The following FANCI variants were observed in gnomAD, a reference collection of about 807,000 sequenced individuals.
FANCI encodes the protein Fanconi anemia group I protein.
In FANCI, 156 loss-of-function variants were observed where a neutral mutation model predicts 176.1. The ratio of observed to expected loss-of-function variants is 0.89; its 90% CI spans 0.78 to 1.01. The LOEUF (loss-of-function observed/expected upper bound fraction) is 1.01, where lower values mean the gene tolerates loss of function less well. Ranked by LOEUF, FANCI falls within the 50% of genes least tolerant of loss-of-function variation. The pLI is 0.00. For missense variants in FANCI, 1,678 were observed against 1,534.1 expected (o/e 1.09, Z -1.57); for synonymous variants, 613 against 541.7 (o/e 1.13, Z -1.83).
intron 18 of FANCI, among the ~76,000 whole-genome samples, chr15:89,287,213 T>G (rs895593082): frequency 2.0e-5 from 3 of 152,170 alleles, no homozygotes; most frequent in African/African-American, 7.2e-5. Context: ...GACCTCGTGA[T>G]CTGCCCGCCT....
chr15:89,311,244 G>T (rs1276915735), intron 34 of FANCI, among the ~76,000 whole-genome samples: 1 of 150,698 alleles, frequency 6.6e-6, no homozygotes, highest in Admixed American at 6.6e-5. Context: ...GGGCAACAGA[G>T]CATGACTCTG....
At chr15:89,268,076 C>G (rs2053045132) in intron 9 of FANCI, among the ~76,000 whole-genome samples, 1 of 152,180 alleles carries the variant, frequency 6.6e-6, no homozygotes, top group African/African-American at 2.4e-5. Context: ...TTGTCTCTCA[C>G]TCAAAAACCA....
chr15:89,282,287 A>C (rs1170993426), intron 16 of FANCI: 1 of 186,484 alleles, frequency 5.4e-6, no homozygotes, highest in Non-Finnish European at 1.1e-5. Flanking sequence ...AGTCAAGAAG[A>C]TTATACTTAA....
chr15:89,313,731 G>T lies in FANCI; in HGVS notation c.3720+759G>T, dbSNP rs182783432. 4.0e-3 allele frequency among the ~76,000 whole-genome samples: 615 copies of T among 152,096 alleles called. 3 individuals are homozygous for T. The highest frequency in any genetic ancestry group is 7.1e-3 in the Non-Finnish European group (481 of 68,014). Reference sequence around the variant, plus strand: ...TCCTCACAACATTATTTATAAAAGTGAAATATTAGAAACAAAGATATCCAT... The same window carrying T: ...TCCTCACAACATTATTTATAAAAGTTAAATATTAGAAACAAAGATATCCAT... On this transcript the variant is annotated intron_variant, in intron 35 of 37. Coordinates refer to ENST00000310775, the MANE Select transcript of FANCI (RefSeq NM_001113378.2).
intron 11 of FANCI, among the ~76,000 whole-genome samples, 161 bp downstream of exon 11, chr15:89,273,630 G>A (rs2053292580): frequency 6.6e-6 from 1 of 151,248 alleles, no homozygotes; most frequent in African/African-American, 2.4e-5. Context: ...TGTCCCCTCT[G>A]TTCTCTGGGG....
At chr15:89,267,355 G>A (rs1370129572) in intron 9 of FANCI, among the ~76,000 whole-genome samples, 1 of 147,224 alleles carries the variant, frequency 6.8e-6, no homozygotes, top group African/African-American at 2.6e-5. Context: ...TTTTTGAGAA[G>A]AGGCCAGTGA....
chr15:89,287,713 C>G (rs1467175942), intron 18 of FANCI, among the ~76,000 whole-genome samples: 3 of 152,056 alleles, frequency 2.0e-5, no homozygotes. Flanking sequence ...ACTTATAGGT[C>G]ATTGTAGGGG....
chr15:89,272,679 ATG>A (rs1224176583), intron 10 of FANCI, among the ~76,000 whole-genome samples: 1 of 152,086 alleles, frequency 6.6e-6, no homozygotes. Context: ...CTATTAAAAA[ATG>A]TTTTTTATGT....
chr15:89,315,397 C>T lies in FANCI; in HGVS notation c.3924+8C>T, dbSNP rs2055187470. ...GAAGATGAAAATGAAGAGGTCAGTG[C>T]TGGCTTCTGTCTGGAGCCCAGCCAC... On this transcript the variant is annotated splice_region_variant and intron_variant, in intron 37 of 37. Coordinates refer to ENST00000310775, the MANE Select transcript of FANCI (RefSeq NM_001113378.2). 1.3e-6 allele frequency: 2 copies of T among 1,585,846 alleles called. No homozygotes were observed. Among genetic ancestry groups the T allele is most frequent in the Non-Finnish European group, 1.7e-6 (2 of 1,154,376 alleles).
Position 89,261,702 on chromosome 15 carries a change from G to T in FANCI, c.406G>T (p.Ala136Ser), listed in dbSNP as rs139181400. The T allele has an allele frequency of 2.5e-6, 4 of 1,614,108 alleles. No homozygotes were observed. Among genetic ancestry groups the T allele is most frequent in the Non-Finnish European group, 2.5e-6 (3 of 1,180,010 alleles). ...SLELLPIILT[A>S]LATKKENLAY... Reference sequence around the variant, plus strand: ...GGAGTTACTACCTATCATTCTCACTGCCCTGGCTACGAAAAAGGAAAATCT... The same window carrying T: ...GGAGTTACTACCTATCATTCTCACTTCCCTGGCTACGAAAAAGGAAAATCT... Residue 136 changes from alanine to serine, a missense_variant, in exon 5 of 38, where the codon GCC (alanine) becomes TCC (serine). Around this residue, in one of 3 missense-constraint regions of FANCI, gnomAD observed 469 missense variants for 436.9 expected, o/e 1.07. Transcript: ENST00000310775.
chr15:89,294,903 G>C lies in FANCI; in HGVS notation c.2457-12G>C, dbSNP rs766291970. 2.6e-5 allele frequency: 40 copies of C among 1,549,332 alleles called. No homozygotes were observed. Among genetic ancestry groups the C allele is most frequent in the South Asian group, 1.6e-4 (13 of 83,780 alleles). The stretch of plus-strand genomic sequence containing the variant: ...TCTTCCTTTTTCTTTCTCTCTCTCT[G>C]TCTCTCTCTAGGGATAGTATCCAAA... On this transcript the variant is annotated splice_polypyrimidine_tract_variant and intron_variant, in intron 23 of 37. Coordinates refer to ENST00000310775, the MANE Select transcript of FANCI (RefSeq NM_001113378.2).
intron 2 of FANCI, among the ~76,000 whole-genome samples, chr15:89,251,796 T>G (rs2052263510): frequency 6.6e-6 from 1 of 152,122 alleles, no homozygotes; most frequent in African/African-American, 2.4e-5. Context: ...AATAAAAGCT[T>G]GAGAAAAATC....
At chr15:89,248,876 T>G (rs943482680) in intron 2 of FANCI, among the ~76,000 whole-genome samples, 1 of 152,178 alleles carries the variant, frequency 6.6e-6, no homozygotes, top group South Asian at 2.1e-4. Flanking sequence ...TCTGAAGTCC[T>G]TTTAGAATCC....
rs908008937 is a variant in FANCI, at chr15:89,308,012, G to C, written c.3651+340G>C. The C allele has an allele frequency of 1.7e-5, 21 of 1,219,366 alleles. No individual in the cohort carries two copies. The African/African-American group carries it at 2.8e-4, about 16-fold the overall frequency. 75.5% of individuals were successfully genotyped at this position (1,219,366 alleles called of 1,614,324 possible). On this transcript the variant is annotated intron_variant, in intron 34 of 37. Transcript: ENST00000310775. ...ATCCTCTGGGAATGTGAGCAGAGTAGCAGCAAGCACATGAAGAAGGGTTGT... is the reference window on the plus strand; with the variant it reads ...ATCCTCTGGGAATGTGAGCAGAGTACCAGCAAGCACATGAAGAAGGGTTGT...
chr15:89,309,312 C>T (rs2054858950), intron 34 of FANCI, among the ~76,000 whole-genome samples: 1 of 151,954 alleles, frequency 6.6e-6, no homozygotes, highest in South Asian at 2.1e-4. Flanking sequence ...TCCTCATCTC[C>T]AAGTCTTAAT....
chr15:89,302,819 C>T (rs973344436), intron 27 of FANCI, among the ~76,000 whole-genome samples: 2 of 152,204 alleles, frequency 1.3e-5, no homozygotes, highest in South Asian at 2.1e-4. Context: ...GTGATTCACC[C>T]GCCTCGGCCT....
intron 34 of FANCI, chr15:89,308,104 T>G (rs978814386): frequency 5.4e-6 from 6 of 1,118,666 alleles, no homozygotes; most frequent in Non-Finnish European, 6.6e-6. Flanking sequence ...TAAGTGTCAT[T>G]TGGTCCTAAA....
rs1182567687 is a variant in FANCI, at chr15:89,301,245, G to C, written c.2890-81G>C. 4 of 884,326 alleles carry C rather than the reference G, an allele frequency of 4.5e-6. No individual in the cohort carries two copies. Among genetic ancestry groups the C allele is most frequent in the East Asian group, 2.4e-5 (1 of 41,644 alleles). 54.8% of individuals were successfully genotyped at this position (884,326 alleles called of 1,614,324 possible). A position where few individuals can be genotyped will look rare whatever the true frequency, so the allele number is the denominator to read the frequency against. On this transcript the variant is annotated intron_variant, in intron 26 of 37. Coordinates refer to ENST00000310775, the MANE Select transcript of FANCI (RefSeq NM_001113378.2). ...TGAATTCTTTCTGTCCTAGTCTTAG[G>C]AGTCTCTGACTAGATGCCTCTTCTT...
intron 2 of FANCI, among the ~76,000 whole-genome samples, chr15:89,248,405 G>A (rs913064879): frequency 6.6e-6 from 1 of 152,116 alleles, no homozygotes; most frequent in African/African-American, 2.4e-5. Flanking sequence ...GTCAATTGAT[G>A]AGTATTATGT....
Sources: allele counts gnomAD v4.1 joint callset (sites outside exome capture counted in the v4.1 genomes callset), GRCh38; gene constraint gnomAD v4.1.1; regional missense constraint gnomAD v4.1.1; transcripts MANE v1.5; gene names NCBI Gene and HGNC (gene_info 2026-07-23, HGNC 2026-07-21).